The following ZIM2 variants were observed in gnomAD, a reference collection of about 807,000 sequenced individuals.
The protein encoded by ZIM2 is zinc finger protein 656.
A neutral mutation model predicts 38.6 loss-of-function variants in ZIM2; 14 were observed. The ratio of observed to expected loss-of-function variants is 0.36; its 90% CI spans 0.24 to 0.57. ZIM2 has a LOEUF of 0.57. Among genes scored for constraint, ZIM2 ranks in the 20% least tolerant of loss-of-function variants. The pLI is 0.81. For missense variants in ZIM2, 680 were observed against 695.1 expected (o/e 0.98, Z 0.24); for synonymous variants, 247 against 245.8 (o/e 1.00, Z -0.04).
chr19:56,781,923 A>C (rs2046351737), intron 11 of ZIM2, 30 bp downstream of exon 11: 1 of 1,605,412 alleles, frequency 6.2e-7, no homozygotes. Flanking sequence ...AGTGGGAAGA[A>C]ACCAAGTCCT....
At chr19:56,822,961 C>T (rs753010899) in intron 5 of ZIM2, 125 bp from the exon 6 acceptor site, 1 of 1,261,464 alleles carries the variant, frequency 7.9e-7, no homozygotes, top group East Asian at 2.5e-5. Context: ...GGATCCAAAA[C>T]AGAGAGCTCC....
chr19:56,823,313 G>T (rs186288893), intron 5 of ZIM2, among the ~76,000 whole-genome samples: 1 of 152,336 alleles, frequency 6.6e-6, no homozygotes, highest in East Asian at 1.9e-4. Context: ...TCCTGAGGAG[G>T]CTGGGGGTAC....
At chr19:56,810,208 CTT>C in intron 9 of ZIM2, 1 of 982,482 alleles carries the variant, frequency 1.0e-6, no homozygotes, top group African/African-American at 1.7e-5. Flanking sequence ...TAACCACACT[CTT>C]TGGATGGTGA....
chr19:56,804,348 A>T (rs1199640767), intron 9 of ZIM2, among the ~76,000 whole-genome samples: 1 of 152,190 alleles, frequency 6.6e-6, no homozygotes, highest in Non-Finnish European at 1.5e-5. Flanking sequence ...TTGTCCCAAG[A>T]ATTGGGCTGC....
At chr19:56,838,176 C>A (rs2062415021) in intron 1 of ZIM2, among the ~76,000 whole-genome samples, 1 of 152,220 alleles carries the variant, frequency 6.6e-6, no homozygotes, top group Admixed American at 6.5e-5. Context: ...TACAGCCAAC[C>A]CAGCAGTCAT....
chr19:56,795,690 T>G (rs1029134550), intron 9 of ZIM2, among the ~76,000 whole-genome samples: 1 of 151,884 alleles, frequency 6.6e-6, no homozygotes, highest in Admixed American at 6.6e-5. Context: ...TTCTTAAAAC[T>G]AACGCCTTCT....
Position 56,774,675 on chromosome 19 carries a change from G to T in ZIM2, c.*13C>A. On this transcript the variant is annotated 3_prime_UTR_variant, in exon 13 of 13. Coordinates refer to ENST00000629319, the MANE Select transcript of ZIM2 (RefSeq NM_001387356.1). ...TAATGTTGAGAAAAGTGTGTGCTGT[G>T]ACTAAAGGTTTCTCAACAGTGATCG... 6.2e-7 allele frequency: 1 copy of T among 1,611,058 alleles called. No individual in the cohort carries two copies. Among genetic ancestry groups the T allele is most frequent in the South Asian group, 1.1e-5 (1 of 90,552 alleles).
In ZIM2 at chr19:56,774,843, G is replaced by T; in HGVS notation, c.1522C>A (p.Arg508=). ...QCCDCGRVFS[R]NSYLIQHYRT... ...TAATGCTGAATGAGATATGAATTCC[G>T]ACTGAAGACTCTGCCACAGTCACAA... The change falls in exon 13 of 13, where the codon CGG becomes AGG. Residue 508 remains arginine, a synonymous_variant. Coordinates refer to ENST00000629319, the MANE Select transcript of ZIM2 (RefSeq NM_001387356.1). 3 of 1,614,066 alleles carry T rather than the reference G, an allele frequency of 1.9e-6. No individual in the cohort carries two copies. The highest frequency in any genetic ancestry group is 1.7e-6 in the Non-Finnish European group (2 of 1,180,038).
At position 56,824,340 on chromosome 19, in the gene ZIM2, C is replaced by A; in HGVS notation, c.-63G>T. The stretch of plus-strand genomic sequence containing the variant: ...CAGTTCTCCGGCTTTTTTGCTCGCA[C>A]CCAAGGCTTGAGCTTTTCAGGGATG... On this transcript the variant is annotated 5_prime_UTR_variant, in exon 4 of 13. Transcript: ENST00000629319. 6.2e-7 allele frequency: 1 copy of A among 1,614,078 alleles called. No homozygotes were observed. The highest frequency in any genetic ancestry group is 8.5e-7 in the Non-Finnish European group (1 of 1,180,018).
chr19:56,785,267 C>T (rs950744124), intron 10 of ZIM2, among the ~76,000 whole-genome samples: 1 of 152,070 alleles, frequency 6.6e-6, no homozygotes, highest in Admixed American at 6.6e-5. Context: ...CTTGGTAGTC[C>T]CTCCAGGGCA....
intron 1 of ZIM2, among the ~76,000 whole-genome samples, chr19:56,836,927 G>A (rs374709722): frequency 5.9e-5 from 8 of 136,228 alleles, no homozygotes; most frequent in African/African-American, 2.3e-4. Flanking sequence ...CCAAGATCAC[G>A]CCACCACACT....
intron 2 of ZIM2, among the ~76,000 whole-genome samples, chr19:56,834,560 C>G (rs1358619385): frequency 6.6e-6 from 1 of 152,186 alleles, no homozygotes; most frequent in African/African-American, 2.4e-5. Context: ...ATTGTGGGAA[C>G]AGGAACATCC....
intron 10 of ZIM2, among the ~76,000 whole-genome samples, chr19:56,788,127 T>G (rs1230216003): frequency 1.3e-5 from 2 of 151,838 alleles, no homozygotes; most frequent in East Asian, 1.9e-4. Context: ...CTGATCTTAG[T>G]TATTTCTTGT....
Position 56,817,771 on chromosome 19 carries a change from T to C in ZIM2, c.465A>G (p.Arg155=). 5.6e-6 allele frequency: 9 copies of C among 1,614,134 alleles called. No individual in the cohort carries two copies. The highest frequency in any genetic ancestry group is 7.6e-6 in the Non-Finnish European group (9 of 1,180,010). ...MTQGHSSRSK[R]SAYPSTSRGF... is the part of the protein sequence containing the mutation. ...CTCGACTGGTGCTTGGGTAGGCACT[T>C]CTCTTGGATCTTGATGAGTGGCCCT... The change falls in exon 9 of 13, where the codon AGA becomes AGG. Residue 155 remains arginine, a synonymous_variant. Coordinates refer to ENST00000629319, the MANE Select transcript of ZIM2 (RefSeq NM_001387356.1).
intron 4 of ZIM2, among the ~76,000 whole-genome samples, chr19:56,823,885 C>A (rs1401039893): frequency 6.6e-6 from 1 of 152,136 alleles, no homozygotes; most frequent in Non-Finnish European, 1.5e-5. Context: ...GTGGCTGTGA[C>A]CACCCCGACC....
chr19:56,829,614 A>G (rs1431131233), intron 2 of ZIM2, among the ~76,000 whole-genome samples: 2 of 152,230 alleles, frequency 1.3e-5, no homozygotes, highest in East Asian at 1.9e-4. Flanking sequence ...CTTCTCCTGC[A>G]GGGCTACCTG....
intron 1 of ZIM2, among the ~76,000 whole-genome samples, chr19:56,839,354 C>T (rs944302136): frequency 4.0e-5 from 6 of 151,586 alleles, no homozygotes; most frequent in Admixed American, 2.6e-4. Context: ...CCCTCTGCTA[C>T]CAACCAACCA....
At chr19:56,833,143 T>C in intron 2 of ZIM2, 1 of 517,164 alleles carries the variant, frequency 1.9e-6, no homozygotes, top group South Asian at 1.4e-5. Context: ...GAAGAAATCC[T>C]GTGACTCCGG....
chr19:56,819,955 A>T (rs189029805), intron 7 of ZIM2, among the ~76,000 whole-genome samples: 4 of 152,236 alleles, frequency 2.6e-5, no homozygotes, highest in African/African-American at 9.6e-5. Context: ...TCCTGCCACA[A>T]AAAAGCAGAA....
Sources: gnomAD v4.1 joint callset for allele counts (sites outside exome capture counted in the v4.1 genomes callset) on GRCh38, gnomAD v4.1.1 for gene constraint, MANE v1.5 for transcripts, NCBI Gene and HGNC (gene_info 2026-07-23, HGNC 2026-07-21) for gene names.